The following MAGI1 variants were observed in gnomAD, a reference collection of about 807,000 sequenced individuals.
MAGI1 encodes the protein membrane-associated guanylate kinase, WW and PDZ domain-containing protein 1.
MAGI1 carries 58 observed loss-of-function variants against 139.9 expected under a neutral mutation model. The ratio of observed to expected loss-of-function variants is 0.41; its 90% confidence interval spans 0.34 to 0.52. MAGI1 has a LOEUF of 0.52. Among genes scored for constraint, MAGI1 ranks in the 20% least tolerant of loss-of-function variants. The probability of loss-of-function intolerance (pLI) is 0.12; values close to 1 mark genes in which losing one functional copy is unlikely to be tolerated. For missense variants in MAGI1, 1,874 were observed against 1,901.6 expected (o/e 0.99, Z 0.27); for synonymous variants, 812 against 737.9 (o/e 1.10, Z -1.63).
intron 1 of MAGI1, among the ~76,000 whole-genome samples, chr3:65,981,156 A>AT (rs200632416): frequency 2.0e-5 from 3 of 151,434 alleles, no homozygotes; most frequent in African/African-American, 7.3e-5. Flanking sequence ...CATCTCAAAA[A>AT]AAAAAAAAAA....
At chr3:65,639,543 G>T (rs2084857156) in intron 1 of MAGI1, among the ~76,000 whole-genome samples, 1 of 152,092 alleles carries the variant, frequency 6.6e-6, no homozygotes, top group Non-Finnish European at 1.5e-5. Context: ...CCACGTATCT[G>T]GTCAAACAGA....
At chr3:65,998,073 A>G (rs1388766785) in intron 1 of MAGI1, among the ~76,000 whole-genome samples, 1 of 150,958 alleles carries the variant, frequency 6.6e-6, no homozygotes, top group Admixed American at 6.6e-5. Flanking sequence ...ATTGCACTCC[A>G]GCCTGGGCGA....
chr3:65,905,267 A>G (rs2061391072), intron 1 of MAGI1, among the ~76,000 whole-genome samples: 1 of 152,206 alleles, frequency 6.6e-6, no homozygotes, highest in African/African-American at 2.4e-5. Context: ...TCAAAAGATA[A>G]TAAAAATTAA....
In MAGI1 at chr3:65,482,802, C is replaced by T. The variant is rs530917988; in HGVS notation, c.551-4004G>A. Among the ~76,000 whole-genome samples, 50 of 152,308 alleles carry T rather than the reference C, an allele frequency of 3.3e-4. 1 individual carries two copies. The highest frequency in any genetic ancestry group is 6.2e-4 in the South Asian group (3 of 4,826). On this transcript the variant is annotated intron_variant, in intron 3 of 22. Transcript: ENST00000402939. ...ACCAACATTTAAAATTAGAAAGCTT[C>T]TAGTTAAGTCTGGATTCTCAATGCT...
chr3:65,606,421 A>T (rs2082742459), intron 2 of MAGI1, among the ~76,000 whole-genome samples: 1 of 151,960 alleles, frequency 6.6e-6, no homozygotes, highest in African/African-American at 2.4e-5. Context: ...GCTCACTGCA[A>T]CCTGTGCCTC....
intron 5 of MAGI1, among the ~76,000 whole-genome samples, chr3:65,467,005 G>C (rs73133333): frequency 0.22 from 33,909 of 152,140 alleles, 3,936 homozygotes; most frequent in South Asian, 0.32. Flanking sequence ...TTTTATCAGG[G>C]CTTTATTTGC....
chr3:65,739,093 C>G (rs1049709729), intron 1 of MAGI1, among the ~76,000 whole-genome samples: 1 of 152,240 alleles, frequency 6.6e-6, no homozygotes. Context: ...TTCATCCGCA[C>G]TGAAAATCTG....
At chr3:65,755,716 C>T (rs114010152) in intron 1 of MAGI1, among the ~76,000 whole-genome samples, 32 of 152,260 alleles carry the variant, frequency 2.1e-4, no homozygotes, top group Non-Finnish European at 3.8e-4. Context: ...ATGAAACTAA[C>T]TTACCCACAA....
At chr3:65,412,749 T>C (rs1176689863) in intron 12 of MAGI1, among the ~76,000 whole-genome samples, 1 of 152,124 alleles carries the variant, frequency 6.6e-6, no homozygotes, top group African/African-American at 2.4e-5. Context: ...GTCTGTTCCT[T>C]GATTTATTGG....
chr3:65,677,014 GA>G, intron 1 of MAGI1, among the ~76,000 whole-genome samples: 1 of 152,220 alleles, frequency 6.6e-6, no homozygotes, highest in East Asian at 1.9e-4. Flanking sequence ...ATTTTATTAT[GA>G]GCTGTGCAGG....
intron 13 of MAGI1, among the ~76,000 whole-genome samples, chr3:65,397,273 T>C (rs1330918568): frequency 1.3e-5 from 2 of 152,186 alleles, no homozygotes; most frequent in Non-Finnish European, 2.9e-5. Flanking sequence ...CCAGGGTCAC[T>C]TAGTGTGTGT....
chr3:65,754,608 C>T (rs935488894), intron 1 of MAGI1, among the ~76,000 whole-genome samples: 24 of 152,318 alleles, frequency 1.6e-4, no homozygotes, highest in Admixed American at 5.2e-4. Context: ...AAAATAGTTT[C>T]GTGTACACTG....
At chr3:65,620,471 A>G (rs983220940) in intron 2 of MAGI1, among the ~76,000 whole-genome samples, 2 of 152,180 alleles carry the variant, frequency 1.3e-5, no homozygotes, top group African/African-American at 4.8e-5. Flanking sequence ...TGAACTCAGG[A>G]GACTCGAAGC....
At chr3:65,955,919 T>G (rs1326149982) in intron 1 of MAGI1, among the ~76,000 whole-genome samples, 1 of 152,078 alleles carries the variant, frequency 6.6e-6, no homozygotes, top group Non-Finnish European at 1.5e-5. Context: ...GCAAAACTTC[T>G]CTGTGTCAAA....
rs565970416 is a variant in MAGI1 at position 65,462,928 on chromosome 3, T to C, written c.959+7355A>G. Among the ~76,000 whole-genome samples the C allele has an allele frequency of 2.5e-4, 38 of 152,292 alleles. 1 individual carries two copies. The South Asian group carries it at 6.2e-3, about 25-fold the overall frequency. On this transcript the variant is annotated intron_variant, in intron 5 of 22. Transcript: ENST00000402939. Reference sequence around the variant, plus strand: ...GATTTGGCTCTCTGTTTGTCTACTATTGGTGTATAGGAATGCTTGTGATTT... The same window carrying C: ...GATTTGGCTCTCTGTTTGTCTACTACTGGTGTATAGGAATGCTTGTGATTT...
intron 1 of MAGI1, among the ~76,000 whole-genome samples, chr3:66,003,340 T>G (rs1486195809): frequency 6.6e-6 from 1 of 152,020 alleles, no homozygotes; most frequent in Non-Finnish European, 1.5e-5. Context: ...AGTGGAGATT[T>G]GGCTTGTTGA....
Position 65,659,533 on chromosome 3 carries a change from G to A in MAGI1, c.314-37445C>T, listed in dbSNP as rs575121155. Among the ~76,000 whole-genome samples, 453 of 152,254 alleles carry A rather than the reference G, an allele frequency of 3.0e-3. 4 individuals are homozygous for A. The highest frequency in any genetic ancestry group is 0.02 in the Middle Eastern group (6 of 294). ...TGGTGTAAAACTGGAAGGCAACATA[G>A]TTCAGAGAAATCTCCACCTTTTTCC... On this transcript the variant is annotated intron_variant, in intron 1 of 22. Coordinates refer to ENST00000402939, the MANE Select transcript of MAGI1 (RefSeq NM_001033057.2).
chr3:65,394,244 C>A (rs990012711), intron 13 of MAGI1, among the ~76,000 whole-genome samples: 1 of 152,128 alleles, frequency 6.6e-6, no homozygotes, highest in African/African-American at 2.4e-5. Flanking sequence ...AATTATAACA[C>A]CCTTTCTCAC....
At chr3:65,777,399 A>G (rs264117) in intron 1 of MAGI1, among the ~76,000 whole-genome samples, 150,387 of 152,256 alleles carry the variant, frequency 0.99, 74,300 homozygotes, top group Middle Eastern at 1. Flanking sequence ...GTAAGTACTG[A>G]CAAATAAATA....
Sources: allele counts gnomAD v4.1 joint callset (sites outside exome capture counted in the v4.1 genomes callset), GRCh38; gene constraint gnomAD v4.1.1; transcripts MANE v1.5; gene names NCBI Gene and HGNC (gene_info 2026-07-23, HGNC 2026-07-21).